INPP4B: variants seen among roughly 807,000 people sequenced by gnomAD.
The protein encoded by INPP4B is inositol polyphosphate-4-phosphatase type II B.
Under a neutral mutation model 122.5 loss-of-function variants are expected in INPP4B, and 55 were observed. The ratio of observed to expected loss-of-function variants is 0.45; its 90% CI spans 0.36 to 0.56. INPP4B has a LOEUF of 0.56. INPP4B is among the 20% of genes least tolerant of loss of function. INPP4B has a pLI of 0.00. For missense variants in INPP4B, 1,000 were observed against 1,097.7 expected (o/e 0.91, Z 1.26); for synonymous variants, 403 against 388.7 (o/e 1.04, Z -0.43).
At chr4:142,698,115 G>A (rs1032048690) in intron 2 of INPP4B, among the ~76,000 whole-genome samples, 2 of 151,786 alleles carry the variant, frequency 1.3e-5, no homozygotes, top group African/African-American at 2.4e-5. Flanking sequence ...ATAAATCTTG[G>A]CTGTAATTAA....
At chr4:142,337,873 T>C (rs1024402130) in intron 7 of INPP4B, among the ~76,000 whole-genome samples, 3 of 151,146 alleles carry the variant, frequency 2.0e-5, no homozygotes, top group African/African-American at 7.3e-5. Flanking sequence ...TTTTATGGTG[T>C]CTTTTTCACG....
At chr4:142,230,905 C>T (rs1854050650) in intron 12 of INPP4B, among the ~76,000 whole-genome samples, 1 of 152,142 alleles carries the variant, frequency 6.6e-6, no homozygotes, top group Non-Finnish European at 1.5e-5. Context: ...AGATATCTAA[C>T]ATTTCCTCCT....
At chr4:142,494,447 T>G (rs575770976) in intron 2 of INPP4B, among the ~76,000 whole-genome samples, 89 of 152,206 alleles carry the variant, frequency 5.8e-4, no homozygotes, top group Non-Finnish European at 8.1e-4. Flanking sequence ...TGTTCTTCAT[T>G]CTTTCCCATC....
intron 12 of INPP4B, among the ~76,000 whole-genome samples, chr4:142,219,823 T>C (rs1203316114): frequency 6.6e-6 from 1 of 152,192 alleles, no homozygotes; most frequent in Non-Finnish European, 1.5e-5. Flanking sequence ...CAAATTTGTT[T>C]GGTTAGTGGA....
rs569256544 is a variant in INPP4B, at chr4:142,456,785, T to C, written c.-127+5878A>G. 2.8e-4 allele frequency among the ~76,000 whole-genome samples: 43 copies of C among 152,166 alleles called. No individual in the cohort carries two copies. In the Middle Eastern group the frequency reaches 0.02, roughly 72 times the overall value. The stretch of plus-strand genomic sequence containing the variant: ...TTTGTCCAAACTGATCTATAGATGA[T>C]TGAATATAAATAAATCAAAATCCAA... On this transcript the variant is annotated intron_variant, in intron 3 of 25. Coordinates refer to ENST00000262992, the MANE Select transcript of INPP4B (RefSeq NM_001101669.3).
rs1736731771 is a variant in INPP4B at position 142,025,482 on chromosome 4, A to C, written c.*3300T>G. On this transcript the variant is annotated 3_prime_UTR_variant, in exon 26 of 26. Coordinates refer to ENST00000262992, the MANE Select transcript of INPP4B (RefSeq NM_001101669.3). ...AGCTTACAAAATTTCTGGTACTTTA[A>C]TTATCAACTTTTATGCATCAGAACG... 6.6e-6 allele frequency: 1 copy of C among 152,118 alleles called. No homozygotes were observed. The highest frequency in any genetic ancestry group is 6.5e-5 in the Admixed American group (1 of 15,268). 9.4% of individuals were successfully genotyped at this position (152,118 alleles called of 1,614,324 possible).
chr4:142,155,682 G>A (rs1402893266), intron 17 of INPP4B, among the ~76,000 whole-genome samples: 1 of 151,978 alleles, frequency 6.6e-6, no homozygotes, highest in African/African-American at 2.4e-5. Context: ...GGCATAAATG[G>A]GTTAAGCATT....
intron 1 of INPP4B, among the ~76,000 whole-genome samples, chr4:142,801,776 G>A (rs1778031626): frequency 6.6e-6 from 1 of 152,158 alleles, no homozygotes; most frequent in Non-Finnish European, 1.5e-5. Flanking sequence ...TTCAGTATTT[G>A]GGAAGGTACA....
intron 25 of INPP4B, 72 bp downstream of exon 25, chr4:142,081,959 A>AT: frequency 8.8e-7 from 1 of 1,132,978 alleles, no homozygotes; most frequent in Non-Finnish European, 1.2e-6. Flanking sequence ...TAAAATATGT[A>AT]TTTTGAAAAA....
At position 142,438,064 on chromosome 4, in the gene INPP4B, A is replaced by G. The variant is rs141933881; in HGVS notation, c.-126-6679T>C. 4.7e-3 allele frequency among the ~76,000 whole-genome samples: 710 copies of G among 152,316 alleles called. 6 individuals carry two copies. Among genetic ancestry groups the G allele is most frequent in the African/African-American group, 0.015 (640 of 41,562 alleles). ...AGGTAATACAAGGGGACACAAATAA[A>G]TGGAAAAACATTCCACGCTCATGGA... On this transcript the variant is annotated intron_variant, in intron 3 of 25. Coordinates refer to ENST00000262992, the MANE Select transcript of INPP4B (RefSeq NM_001101669.3).
chr4:142,173,399 C>A (rs1826482847), intron 16 of INPP4B, among the ~76,000 whole-genome samples: 1 of 150,408 alleles, frequency 6.6e-6, no homozygotes. Flanking sequence ...ATATACCAAC[C>A]AATAACAGGT....
At chr4:142,663,041 G>T (rs1480975863) in intron 2 of INPP4B, among the ~76,000 whole-genome samples, 1 of 152,022 alleles carries the variant, frequency 6.6e-6, no homozygotes, top group East Asian at 1.9e-4. Context: ...GGGGTCTCTT[G>T]TTGAAACAAA....
intron 9 of INPP4B, among the ~76,000 whole-genome samples, chr4:142,300,442 G>T (rs1173933367): frequency 1.3e-5 from 2 of 152,154 alleles, no homozygotes; most frequent in Non-Finnish European, 2.9e-5. Flanking sequence ...GTATGTTCAT[G>T]TGTGTGTATT....
At chr4:142,722,448 C>G (rs1764812665) in intron 2 of INPP4B, among the ~76,000 whole-genome samples, 1 of 152,046 alleles carries the variant, frequency 6.6e-6, no homozygotes, top group Non-Finnish European at 1.5e-5. Context: ...TGAACAGTAG[C>G]AGGAGCTGAT....
In INPP4B at chr4:142,305,473, A is replaced by G; in HGVS notation, c.488T>C (p.Leu163Pro). The G allele has an allele frequency of 6.2e-7, 1 of 1,612,532 alleles. No homozygotes were observed. Among genetic ancestry groups the G allele is most frequent in the East Asian group, 2.2e-5 (1 of 44,836 alleles). The change falls in exon 9 of 26, where the codon CTG (leucine) becomes CCG (proline). Residue 163 changes from leucine (L) to proline (P), a missense_variant. By Grantham distance (98) the Leu-to-Pro change is moderately conservative (BLOSUM62 -3). Transcript: ENST00000262992. ...AGAGACCCACCTCAGGCTCAGGACC[A>G]GCAATTGCTCCTTTGACTTCAGCAG... The part of the protein sequence containing the change: ...GELLKSKEQL[L>P]VLSLRTSDGG...
At chr4:142,304,138 T>C (rs1320117975) in intron 9 of INPP4B, among the ~76,000 whole-genome samples, 2 of 152,106 alleles carry the variant, frequency 1.3e-5, no homozygotes, top group Non-Finnish European at 2.9e-5. Context: ...AACTCAATGT[T>C]TGACATCTCA....
At chr4:142,506,242 T>C (rs1824010973) in intron 2 of INPP4B, among the ~76,000 whole-genome samples, 1 of 151,512 alleles carries the variant, frequency 6.6e-6, no homozygotes, top group Non-Finnish European at 1.5e-5. Flanking sequence ...TTGGCAGAGG[T>C]CCTAAAATTG....
chr4:142,339,341 T>C (rs562287572), intron 7 of INPP4B, among the ~76,000 whole-genome samples: 1 of 152,146 alleles, frequency 6.6e-6, no homozygotes, highest in African/African-American at 2.4e-5. Flanking sequence ...AAACAAAGCA[T>C]TAAGGTAGAT....
intron 2 of INPP4B, among the ~76,000 whole-genome samples, chr4:142,668,030 T>G (rs1342056680): frequency 6.6e-6 from 1 of 152,288 alleles, no homozygotes; most frequent in African/African-American, 2.4e-5. Context: ...TTCAGATTCA[T>G]TATATGAGGC....
Sources: allele counts gnomAD v4.1 joint callset (sites outside exome capture counted in the v4.1 genomes callset), GRCh38; gene constraint gnomAD v4.1.1; transcripts MANE v1.5; gene names NCBI Gene and HGNC (gene_info 2026-07-23, HGNC 2026-07-21).